DIAPH3: variants seen among roughly 807,000 people sequenced by gnomAD.
DIAPH3 encodes the protein diaphanous related formin 3.
DIAPH3 carries 117 observed loss-of-function variants against 144.3 expected under a neutral mutation model. That is an observed-to-expected ratio of 0.81 (90% CI 0.70 to 0.95). The LOEUF (loss-of-function observed/expected upper bound fraction) is 0.95, where lower values mean the gene tolerates loss of function less well. Ranked by LOEUF, DIAPH3 falls within the 40% of genes least tolerant of loss-of-function variation. The probability of loss-of-function intolerance (pLI) is 0.00; values close to 1 mark genes in which losing one functional copy is unlikely to be tolerated. For missense variants in DIAPH3, 1,421 were observed against 1,412.7 expected (o/e 1.01, Z -0.09); for synonymous variants, 519 against 488.9 (o/e 1.06, Z -0.81).
intron 22 of DIAPH3, among the ~76,000 whole-genome samples, chr13:59,843,709 A>G (rs781032427): frequency 6.6e-5 from 10 of 152,204 alleles, no homozygotes; most frequent in Non-Finnish European, 1.3e-4. Flanking sequence ...TTATTTGCAC[A>G]TTATGGTTAA....
At chr13:60,161,449 C>T (rs1192467081) in intron 1 of DIAPH3, among the ~76,000 whole-genome samples, 1 of 152,206 alleles carries the variant, frequency 6.6e-6, no homozygotes, top group Non-Finnish European at 1.5e-5. Flanking sequence ...AGGAAGCAGT[C>T]TTGAGACTGG....
At chr13:60,017,074 A>G (rs2053700737) in intron 5 of DIAPH3, among the ~76,000 whole-genome samples, 1 of 152,192 alleles carries the variant, frequency 6.6e-6, no homozygotes, top group African/African-American at 2.4e-5. Context: ...GATTTTATAT[A>G]TGTGTATGTG....
chr13:60,098,474 C>T (rs1455486994), intron 3 of DIAPH3, among the ~76,000 whole-genome samples: 2 of 151,950 alleles, frequency 1.3e-5, no homozygotes, highest in African/African-American at 4.8e-5. Flanking sequence ...CATGGGTGCA[C>T]CAGCCTGGTA....
chr13:59,835,658 A>G (rs529584958), intron 23 of DIAPH3, among the ~76,000 whole-genome samples: 8 of 151,924 alleles, frequency 5.3e-5, no homozygotes, highest in African/African-American at 1.9e-4. Context: ...AAAGGAGAAG[A>G]AAGTGAGAAG....
intron 25 of DIAPH3, among the ~76,000 whole-genome samples, chr13:59,794,537 G>A (rs901083933): frequency 1.3e-5 from 2 of 151,804 alleles, no homozygotes; most frequent in African/African-American, 4.8e-5. Context: ...ATTAAAAAAT[G>A]TATCATTCAT....
chr13:59,988,613 A>G (rs2051593920), intron 12 of DIAPH3, among the ~76,000 whole-genome samples: 1 of 151,832 alleles, frequency 6.6e-6, no homozygotes, highest in East Asian at 1.9e-4. Flanking sequence ...AATCTCCATG[A>G]GCAATATTGG....
chr13:60,001,792 T>C (rs1478419529), intron 9 of DIAPH3, among the ~76,000 whole-genome samples: 2 of 152,218 alleles, frequency 1.3e-5, no homozygotes, highest in Non-Finnish European at 2.9e-5. Flanking sequence ...TAGGCAACTA[T>C]GGAGTTCTCT....
chr13:60,127,265 T>A (rs2059015071), intron 2 of DIAPH3, among the ~76,000 whole-genome samples: 1 of 152,044 alleles, frequency 6.6e-6, no homozygotes, highest in Admixed American at 6.6e-5. Context: ...GGTAAAAATT[T>A]AGATTTAACA....
chr13:60,072,469 T>C (rs1253866567), intron 4 of DIAPH3, among the ~76,000 whole-genome samples: 1 of 152,230 alleles, frequency 6.6e-6, no homozygotes, highest in Non-Finnish European at 1.5e-5. Flanking sequence ...TAACTAATTT[T>C]ATTAATTTCA....
chr13:59,944,794 A>AAG (rs1555339346), intron 17 of DIAPH3, among the ~76,000 whole-genome samples: 1 of 148,062 alleles, frequency 6.8e-6, no homozygotes, highest in South Asian at 2.2e-4. Flanking sequence ...TTAGAAAAAA[A>AAG]GGGGGGGGGC....
chr13:60,119,746 CAAAAAAAAAAAA>C (rs34356415), intron 2 of DIAPH3, among the ~76,000 whole-genome samples: 15 of 49,544 alleles, frequency 3.0e-4, no homozygotes, highest in African/African-American at 8.8e-4. Flanking sequence ...GACTCCGTCT[CAAAAAAAAAAAA>C]AAAAAAAAAA....
chr13:59,707,457 C>A (rs1012862358), intron 27 of DIAPH3, among the ~76,000 whole-genome samples: 5 of 152,000 alleles, frequency 3.3e-5, no homozygotes, highest in African/African-American at 1.2e-4. Flanking sequence ...AAGAAAACTG[C>A]AGAATAAGGT....
At chr13:59,995,281 C>A (rs2052121878) in intron 9 of DIAPH3, among the ~76,000 whole-genome samples, 1 of 151,804 alleles carries the variant, frequency 6.6e-6, no homozygotes, top group African/African-American at 2.4e-5. Context: ...AGATGTTCGT[C>A]ATAAGGAAGT....
Position 59,774,724 on chromosome 13 carries a change from T to C in DIAPH3, c.3259+4A>G. The C allele has an allele frequency of 1.2e-6, 2 of 1,613,644 alleles. No individual in the cohort carries two copies. Among genetic ancestry groups the C allele is most frequent in the Non-Finnish European group, 1.7e-6 (2 of 1,179,526 alleles). ...AAGTAACATGAAACAAGTATAGGGT[T>C]CACCTTTTGGCATCGGTGTCCTTTT... On this transcript the variant is annotated splice_donor_region_variant and intron_variant, in intron 26 of 27. Coordinates refer to ENST00000400324, the MANE Select transcript of DIAPH3 (RefSeq NM_001042517.2).
chr13:60,097,977 C>CT (rs1300600448), intron 3 of DIAPH3, among the ~76,000 whole-genome samples: 3 of 151,974 alleles, frequency 2.0e-5, no homozygotes, highest in Non-Finnish European at 4.4e-5. Flanking sequence ...TTATTGGGAG[C>CT]TTTTTTTCCT....
Position 59,992,360 on chromosome 13 carries a change from A to T in DIAPH3, c.1125+113T>A. Reference sequence around the variant, plus strand: ...CTATATTTCAAAAATAGATTTTTTAACTCAAGCCTTTTCCCACAGATAAAT... The same window carrying T: ...CTATATTTCAAAAATAGATTTTTTATCTCAAGCCTTTTCCCACAGATAAAT... On this transcript the variant is annotated intron_variant, in intron 10 of 27. Coordinates refer to ENST00000400324, the MANE Select transcript of DIAPH3 (RefSeq NM_001042517.2). The T allele has an allele frequency of 4.5e-6, 5 of 1,121,476 alleles. No individual in the cohort carries two copies. The East Asian group carries it at 1.3e-4, about 29-fold the overall frequency. 69.5% of individuals were successfully genotyped at this position (1,121,476 alleles called of 1,614,324 possible).
intron 19 of DIAPH3, among the ~76,000 whole-genome samples, chr13:59,912,504 C>T (rs943411615): frequency 6.6e-6 from 1 of 152,126 alleles, no homozygotes; most frequent in African/African-American, 2.4e-5. Context: ...ACTTAAACAA[C>T]AGAACTACTT....
intron 27 of DIAPH3, among the ~76,000 whole-genome samples, chr13:59,758,499 C>T (rs1325880810): frequency 2.6e-5 from 4 of 152,138 alleles, no homozygotes; most frequent in African/African-American, 9.7e-5. Context: ...AATGACTGGC[C>T]ACGGGGCTAC....
Position 59,896,148 on chromosome 13 carries a change from G to A in DIAPH3, c.2367+15587C>T, listed in dbSNP as rs1473599737. Among the ~76,000 whole-genome samples the A allele has an allele frequency of 7.2e-5, 11 of 152,188 alleles. No homozygotes were observed. In the South Asian group the frequency reaches 1.2e-3, roughly 17 times the overall value. On this transcript the variant is annotated intron_variant, in intron 20 of 27. Coordinates refer to ENST00000400324, the MANE Select transcript of DIAPH3 (RefSeq NM_001042517.2). ...AATCTTTCTCTTTTGCTTATGGCAT[G>A]TGGAGGAGGTCTTGGTTAAGTAGTC...
Sources: gnomAD v4.1 joint callset for allele counts (sites outside exome capture counted in the v4.1 genomes callset) on GRCh38, gnomAD v4.1.1 for gene constraint, MANE v1.5 for transcripts, NCBI Gene and HGNC (gene_info 2026-07-23, HGNC 2026-07-21) for gene names.